Variants in VPS50 observed in about 807,000 individuals in gnomAD.
The protein encoded by VPS50 is VPS50 subunit of EARP/GARPII complex, also known as syndetin.
Under a neutral mutation model 139.7 loss-of-function variants are expected in VPS50, and 70 were observed. The ratio of observed to expected loss-of-function variants is 0.50; its 90% CI spans 0.41 to 0.61. The LOEUF is 0.61. Among genes scored for constraint, VPS50 ranks in the 20% least tolerant of loss-of-function variants. VPS50 has a pLI of 0.00. For missense variants in VPS50, 921 were observed against 1,133.7 expected, an observed-to-expected ratio of 0.81 and a Z score of 2.69; for synonymous variants, 365 against 376.7, an observed-to-expected ratio of 0.97 and a Z score of 0.36.
chr7:93,246,049 T>TA, intron 2 of VPS50: 1 of 1,106,100 alleles, frequency 9.0e-7, no homozygotes, highest in Non-Finnish European at 1.3e-6. Context: ...TTCTTACTTC[T>TA]AGCTCTGTTT....
At chr7:93,292,623 T>G (rs1408941827) in intron 13 of VPS50, among the ~76,000 whole-genome samples, 1 of 152,136 alleles carries the variant, frequency 6.6e-6, no homozygotes, top group Non-Finnish European at 1.5e-5. Flanking sequence ...ATCAAGTTAC[T>G]TTAATAAACT....
chr7:93,298,747 A>T (rs1027975784), intron 16 of VPS50, among the ~76,000 whole-genome samples: 2 of 152,216 alleles, frequency 1.3e-5, no homozygotes, highest in Non-Finnish European at 2.9e-5. Context: ...GAATGACTTA[A>T]ATCTTCCTCA....
chr7:93,251,766 G>T (rs1186324593), intron 2 of VPS50, among the ~76,000 whole-genome samples: 1 of 152,112 alleles, frequency 6.6e-6, no homozygotes, highest in Non-Finnish European at 1.5e-5. Context: ...TACTGAAAAT[G>T]ATTTAAAACA....
chr7:93,346,214 C>A (rs889769363), intron 23 of VPS50, among the ~76,000 whole-genome samples: 2 of 152,182 alleles, frequency 1.3e-5, no homozygotes, highest in Non-Finnish European at 2.9e-5. Context: ...TGAGTGAACT[C>A]CCATTCACAA....
chr7:93,319,816 T>C (rs1040739331), intron 20 of VPS50, among the ~76,000 whole-genome samples: 2 of 152,172 alleles, frequency 1.3e-5, no homozygotes, highest in African/African-American at 4.8e-5. Context: ...AAATTGGTCC[T>C]TTATATCTAT....
chr7:93,351,877 T>A (rs747660173), intron 25 of VPS50, among the ~76,000 whole-genome samples: 3 of 152,220 alleles, frequency 2.0e-5, no homozygotes, highest in Non-Finnish European at 4.4e-5. Flanking sequence ...TTATTTGTTA[T>A]TCCAGTTATA....
At chr7:93,295,250 G>C (rs1796775613) in intron 14 of VPS50, among the ~76,000 whole-genome samples, 1 of 152,252 alleles carries the variant, frequency 6.6e-6, no homozygotes, top group East Asian at 1.9e-4. Context: ...GCATTGTTGG[G>C]AGGGAGGGCC....
At chr7:93,276,909 G>A (rs1313073415) in intron 12 of VPS50, among the ~76,000 whole-genome samples, 2 of 152,126 alleles carry the variant, frequency 1.3e-5, no homozygotes, top group East Asian at 1.9e-4. Flanking sequence ...CAGGACTTTG[G>A]TGAAAAATCA....
Position 93,350,476 on chromosome 7 carries a change from A to G in VPS50, c.2463+443A>G, listed in dbSNP as rs1474217449. ...TTTGGAGCCAATGACCTGTGTTTAT[A>G]TGTTTCCTGGAAAGAATTGTGGTTT... On this transcript the variant is annotated intron_variant, in intron 25 of 27. Coordinates refer to ENST00000305866, the MANE Select transcript of VPS50 (RefSeq NM_017667.4). Among the ~76,000 whole-genome samples, 6 of 152,118 alleles carry G rather than the reference A, an allele frequency of 3.9e-5. No individual in the cohort carries two copies. The East Asian group carries it at 1.2e-3, about 29-fold the overall frequency.
chr7:93,275,482 A>G (rs1264053373), intron 11 of VPS50, among the ~76,000 whole-genome samples: 2 of 152,186 alleles, frequency 1.3e-5, no homozygotes, highest in Non-Finnish European at 2.9e-5. Flanking sequence ...CGACCAGAAA[A>G]AAGATCGACT....
intron 22 of VPS50, among the ~76,000 whole-genome samples, chr7:93,335,086 C>A (rs1798035872): frequency 6.6e-6 from 1 of 152,074 alleles, no homozygotes; most frequent in Non-Finnish European, 1.5e-5. Flanking sequence ...TTGTTATATG[C>A]CAGGCATTGT....
At chr7:93,251,174 A>G (rs1795313985) in intron 2 of VPS50, among the ~76,000 whole-genome samples, 1 of 152,218 alleles carries the variant, frequency 6.6e-6, no homozygotes, top group Non-Finnish European at 1.5e-5. Flanking sequence ...CAGTCTCATT[A>G]TTGGGTATAT....
intron 11 of VPS50, among the ~76,000 whole-genome samples, chr7:93,275,457 T>C (rs1434463932): frequency 6.6e-6 from 1 of 152,142 alleles, no homozygotes; most frequent in Non-Finnish European, 1.5e-5. Flanking sequence ...GCCATCAACA[T>C]TGAGACAAGA....
intron 20 of VPS50, 32 bp from the exon 21 acceptor site, chr7:93,323,579 C>T: frequency 2.1e-6 from 2 of 968,408 alleles, no homozygotes; most frequent in Non-Finnish European, 1.4e-6. Context: ...TAATTTTGTT[C>T]TGCTTAATTT....
At position 93,308,508 on chromosome 7, in the gene VPS50, C is replaced by T. The variant is rs1183886175; in HGVS notation, c.1630-316C>T. ...TAAGTATGGTGAAACTTCTGAGAGA[C>T]TTTAAGAAAAAAAAATGCGAATGTA... On this transcript the variant is annotated intron_variant, in intron 18 of 27. Coordinates refer to ENST00000305866, the MANE Select transcript of VPS50 (RefSeq NM_017667.4). 2.0e-5 allele frequency among the ~76,000 whole-genome samples: 3 copies of T among 151,554 alleles called. No individual in the cohort carries two copies. The East Asian group carries it at 5.8e-4, about 29-fold the overall frequency.
At chr7:93,329,209 T>G (rs1797866573) in intron 21 of VPS50, among the ~76,000 whole-genome samples, 1 of 152,150 alleles carries the variant, frequency 6.6e-6, no homozygotes, top group South Asian at 2.1e-4. Context: ...AAATATATTT[T>G]AAATGCATGA....
Position 93,323,596 on chromosome 7 carries a change from C to CTT in VPS50, c.1856-10_1856-9dup, listed in dbSNP as rs747246297. The stretch of plus-strand genomic sequence containing the variant: ...ATTTTGTTCTGCTTAATTTTTTATT[C>CTT]TTTTTTCTTTTCAGGAAAATATATG... On this transcript the variant is annotated splice_polypyrimidine_tract_variant and intron_variant, in intron 20 of 27. Coordinates refer to ENST00000305866, the MANE Select transcript of VPS50 (RefSeq NM_017667.4). 2.6e-6 allele frequency: 3 copies of CTT among 1,167,848 alleles called. No individual in the cohort carries two copies. The South Asian group carries it at 7.0e-5, about 27-fold the overall frequency. 72.3% of individuals were successfully genotyped at this position (1,167,848 alleles called of 1,614,324 possible). A position where few individuals can be genotyped will look rare whatever the true frequency, so the allele number is the denominator to read the frequency against.
At chr7:93,281,886 CT>C (rs1382537341) in intron 12 of VPS50, among the ~76,000 whole-genome samples, 3 of 152,240 alleles carry the variant, frequency 2.0e-5, no homozygotes, top group East Asian at 3.9e-4. Flanking sequence ...TGTTTTATAA[CT>C]TTTTTGCCAC....
Position 93,259,551 on chromosome 7 carries a change from A to T in VPS50, c.578A>T (p.Glu193Val). 1 of 1,548,338 alleles carries T rather than the reference A, an allele frequency of 6.5e-7. No individual in the cohort carries two copies. Among genetic ancestry groups the T allele is most frequent in the Non-Finnish European group, 8.9e-7 (1 of 1,121,196 alleles). The part of the protein sequence containing the change: ...TDVRLSEMLE[E>V]EDYPGAIQLC... Reference sequence around the variant, plus strand: ...GACTCCTGTTGTTGTTACCTTAAGGAGGAAGATTATCCAGGAGCTATTCAG... The same window carrying T: ...GACTCCTGTTGTTGTTACCTTAAGGTGGAAGATTATCCAGGAGCTATTCAG... Residue 193 changes from glutamate (E) to valine (V), a missense_variant and splice_region_variant, in exon 9 of 28, where the codon GAG becomes GTG. Glu to Val is a moderately radical substitution (Grantham distance 121, BLOSUM62 -2). Transcript: ENST00000305866.
Sources: allele counts gnomAD v4.1 joint callset (sites outside exome capture counted in the v4.1 genomes callset), GRCh38; gene constraint gnomAD v4.1.1; transcripts MANE v1.5; gene names NCBI Gene and HGNC (gene_info 2026-07-23, HGNC 2026-07-21).